RHOG: variants seen among roughly 807,000 people sequenced by gnomAD.
RHOG encodes ras homolog family member G.
A neutral mutation model predicts 12.3 loss-of-function variants in RHOG; 1 was observed. That is an observed-to-expected ratio of 0.08 (90% CI 0.03 to 0.39). RHOG has a LOEUF of 0.39. RHOG is among the 10% of genes least tolerant of loss of function. The pLI, the probability that RHOG is intolerant of heterozygous loss-of-function variation, is 0.99. For missense variants in RHOG, 114 were observed against 266.2 expected, an observed-to-expected ratio of 0.43 and a Z score of 3.98; for synonymous variants, 129 against 116.0, an observed-to-expected ratio of 1.11 and a Z score of -0.72.
Position 3,840,907 on chromosome 11 carries a change from C to G in RHOG, c.-82G>C, listed in dbSNP as rs1228945136. 1 of 152,026 alleles carries G rather than the reference C, an allele frequency of 6.6e-6. No homozygotes were observed. Among genetic ancestry groups the G allele is most frequent in the Non-Finnish European group, 1.5e-5 (1 of 68,030 alleles). The allele number at this position is 152,026 out of a possible 1,614,324, so 9.4% of individuals were successfully genotyped here. The stretch of plus-strand genomic sequence containing the variant: ...GCCGGGCCTCACCTGGTGCCCTCCC[C>G]GAGGCGGGGGAGCTGGGGGCGGCGG... On this transcript the variant is annotated 5_prime_UTR_variant, in exon 1 of 2. Coordinates refer to ENST00000351018, the MANE Select transcript of RHOG (RefSeq NM_001665.4).
intron 1 of RHOG, among the ~76,000 whole-genome samples, chr11:3,837,489 G>A (rs2090164729): frequency 6.6e-6 from 1 of 152,220 alleles, no homozygotes; most frequent in Non-Finnish European, 1.5e-5. Flanking sequence ...AGGGCCCAGA[G>A]TGAGGGGCAC....
chr11:3,831,856 G>C (rs1241889785), intron 1 of RHOG, among the ~76,000 whole-genome samples: 5 of 152,166 alleles, frequency 3.3e-5, no homozygotes, highest in African/African-American at 2.4e-5. Flanking sequence ...CCAGCACTGG[G>C]CTGGCCCAGG....
chr11:3,838,156 A>G (rs1349542), intron 1 of RHOG, among the ~76,000 whole-genome samples: 52,737 of 152,130 alleles, frequency 0.35, 10,789 homozygotes, highest in African/African-American at 0.57. Context: ...CCCCTTCTTC[A>G]TGTCACAACC....
intron 1 of RHOG, among the ~76,000 whole-genome samples, chr11:3,839,615 A>ACACACACAC (rs1381131250): frequency 6.6e-6 from 1 of 151,630 alleles, no homozygotes; most frequent in African/African-American, 2.4e-5. Context: ...ACACACACAC[A>ACACACACAC]CACACACACA....
chr11:3,830,824 C>G (rs894434073), intron 1 of RHOG, among the ~76,000 whole-genome samples: 1 of 152,042 alleles, frequency 6.6e-6, no homozygotes, highest in Non-Finnish European at 1.5e-5. Context: ...GTCACAGGGC[C>G]TCGGGGAGAT....
At chr11:3,828,844 T>C (rs1042399329) in intron 1 of RHOG, among the ~76,000 whole-genome samples, 52 of 151,864 alleles carry the variant, frequency 3.4e-4, no homozygotes, top group African/African-American at 1.3e-3. Flanking sequence ...ATGGTCTCGA[T>C]CTCCTGACCT....
intron 1 of RHOG, among the ~76,000 whole-genome samples, chr11:3,837,515 C>G (rs1023178232): frequency 2.6e-5 from 4 of 151,970 alleles, no homozygotes; most frequent in African/African-American, 9.7e-5. Context: ...TGAGCAGTCT[C>G]TTGGGGGAGG....
intron 1 of RHOG, 125 bp from the exon 2 acceptor site, chr11:3,828,331 A>G (rs1338344648): frequency 5.0e-6 from 3 of 594,606 alleles, no homozygotes; most frequent in Non-Finnish European, 8.9e-6. Flanking sequence ...CCAAAGTCCC[A>G]TCAAGACGGT....
rs1262573862 is a variant in RHOG at position 3,827,926 on chromosome 11, G to C, written c.213C>G (p.Ser71=). 1 of 1,614,284 alleles carries C rather than the reference G, an allele frequency of 6.2e-7. No individual in the cohort carries two copies. The highest frequency in any genetic ancestry group is 1.3e-5 in the African/African-American group (1 of 75,080). Residue 71 remains serine (S), a synonymous_variant, in exon 2 of 2, where the codon TCC becomes TCG. Transcript: ENST00000351018. This position sits in a 1 kb window ranked among gnomAD's most constrained non-coding sequence, Gnocchi z 7.3. ...QEEYDRLRTL[S]YPQTNVFVIC... is the part of the protein sequence containing the mutation. Reference sequence around the variant, plus strand: ...TGACGAAAACGTTGGTCTGAGGGTAGGAGAGTGTACGGAGGCGGTCATACT... The same window carrying C: ...TGACGAAAACGTTGGTCTGAGGGTACGAGAGTGTACGGAGGCGGTCATACT...
chr11:3,834,355 C>CT (rs2090145353), intron 1 of RHOG, among the ~76,000 whole-genome samples: 1 of 152,186 alleles, frequency 6.6e-6, no homozygotes, highest in African/African-American at 2.4e-5. Flanking sequence ...AAAAAAACCT[C>CT]TAAGTATAGG....
At position 3,835,218 on chromosome 11, in the gene RHOG, T is replaced by C. The variant is rs375323179; in HGVS notation, c.-69+5676A>G. 7.2e-5 allele frequency among the ~76,000 whole-genome samples: 11 copies of C among 152,250 alleles called. No individual in the cohort carries two copies. The South Asian group carries it at 1.7e-3, about 23-fold the overall frequency. ...AGCTGAGCACACCATGTAGTAGCTG[T>C]CAGTAAATGACTGAATGAAGTCGAT... On this transcript the variant is annotated intron_variant, in intron 1 of 1. Coordinates refer to ENST00000351018, the MANE Select transcript of RHOG (RefSeq NM_001665.4).
Position 3,828,412 on chromosome 11 carries a change from T to A in RHOG, c.-68-206A>T, listed in dbSNP as rs545076970. On this transcript the variant is annotated intron_variant, in intron 1 of 1. Coordinates refer to ENST00000351018, the MANE Select transcript of RHOG (RefSeq NM_001665.4). Reference sequence around the variant, plus strand: ...GCAGTATAATGTGGTAGAAAGCACATAAACTCTGGCGCCAGACAAACTAAG... The same window carrying A: ...GCAGTATAATGTGGTAGAAAGCACAAAAACTCTGGCGCCAGACAAACTAAG... 9.2e-5 allele frequency among the ~76,000 whole-genome samples: 14 copies of A among 152,254 alleles called. 1 individual carries two copies. Among genetic ancestry groups the A allele is most frequent in the Middle Eastern group, 3.4e-3 (1 of 294 alleles).
At chr11:3,828,421 G>A (rs1018626917) in intron 1 of RHOG, among the ~76,000 whole-genome samples, 2 of 152,112 alleles carry the variant, frequency 1.3e-5, no homozygotes, top group Non-Finnish European at 2.9e-5. Context: ...ATAAACTCTG[G>A]CGCCAGACAA....
intron 1 of RHOG, among the ~76,000 whole-genome samples, chr11:3,835,335 CCCCAGCTTCT>C (rs2090150290): frequency 6.6e-6 from 1 of 152,198 alleles, no homozygotes; most frequent in Non-Finnish European, 1.5e-5. Context: ...CAGTACTGTT[CCCCAGCTTCT>C]CCAGGACATC....
chr11:3,834,355 C>G (rs1343719323), intron 1 of RHOG, among the ~76,000 whole-genome samples: 2 of 152,186 alleles, frequency 1.3e-5, no homozygotes, highest in African/African-American at 4.8e-5. Context: ...AAAAAAACCT[C>G]TAAGTATAGG....
chr11:3,837,086 G>A (rs1349662335), intron 1 of RHOG, among the ~76,000 whole-genome samples: 1 of 151,916 alleles, frequency 6.6e-6, no homozygotes, highest in Non-Finnish European at 1.5e-5. Flanking sequence ...CTGTGAAGTG[G>A]CACTTCCTTT....
intron 1 of RHOG, among the ~76,000 whole-genome samples, chr11:3,832,184 C>T (rs1446143358): frequency 6.6e-6 from 1 of 152,176 alleles, no homozygotes; most frequent in Non-Finnish European, 1.5e-5. Context: ...ATGGTATAAG[C>T]CTTTATAGGT....
chr11:3,827,646 C>T lies in RHOG; in HGVS notation c.493G>A (p.Val165Ile). The change falls in exon 2 of 2, where the codon GTC becomes ATC. Residue 165 changes from valine (V) to isoleucine (I), a missense_variant. Coordinates refer to ENST00000351018, the MANE Select transcript of RHOG (RefSeq NM_001665.4). The surrounding 1 kb of genome is among the most constrained non-coding windows in gnomAD (Gnocchi z 7.3). The part of the protein sequence containing the change: ...LECSALQQDG[V>I]KEVFAEAVRA... ...ACAGCCTCGGCGAACACTTCCTTGA[C>T]ACCATCCTGTTGCAGGGCTGAGCAT... The T allele has an allele frequency of 6.2e-7, 1 of 1,613,882 alleles. No homozygotes were observed.
Position 3,839,344 on chromosome 11 carries a change from T to G in RHOG, c.-69+1550A>C, listed in dbSNP as rs181352816. 4.5e-4 allele frequency among the ~76,000 whole-genome samples: 68 copies of G among 152,256 alleles called. 1 individual carries two copies. Among genetic ancestry groups the G allele is most frequent in the African/African-American group, 1.3e-3 (56 of 41,560 alleles). ...CCTACCCTGACTGCTACAAACGGCT[T>G]CCTCCTGCCTAACCACAACCTCACT... On this transcript the variant is annotated intron_variant, in intron 1 of 1. Coordinates refer to ENST00000351018, the MANE Select transcript of RHOG (RefSeq NM_001665.4).
Sources: allele counts gnomAD v4.1 joint callset (sites outside exome capture counted in the v4.1 genomes callset), GRCh38; gene constraint gnomAD v4.1.1; non-coding constraint Gnocchi (gnomAD v3.1); transcripts MANE v1.5; gene names NCBI Gene and HGNC (gene_info 2026-07-23, HGNC 2026-07-21).